CEP128: variants seen among roughly 807,000 people sequenced by gnomAD.
CEP128 encodes centrosomal protein 128.
Under a neutral mutation model 156.7 loss-of-function variants are expected in CEP128, and 132 were observed. The ratio of observed to expected loss-of-function variants is 0.84; its 90% confidence interval spans 0.73 to 0.97. The LOEUF (loss-of-function observed/expected upper bound fraction) is 0.97. CEP128 is among the 50% of genes least tolerant of loss of function. The probability of loss-of-function intolerance (pLI) is 0.00; values close to 1 mark genes in which losing one functional copy is unlikely to be tolerated. For missense variants in CEP128, 1,252 were observed against 1,281.9 expected (o/e 0.98, Z 0.36); for synonymous variants, 469 against 448.9 (o/e 1.04, Z -0.57).
At chr14:80,530,144 C>T (rs1889159125) in intron 22 of CEP128, among the ~76,000 whole-genome samples, 1 of 152,196 alleles carries the variant, frequency 6.6e-6, no homozygotes. Flanking sequence ...AATTATAAAT[C>T]ATTAAAATTT....
At chr14:80,874,080 C>G (rs1476260921) in intron 8 of CEP128, among the ~76,000 whole-genome samples, 1 of 152,140 alleles carries the variant, frequency 6.6e-6, no homozygotes, top group Non-Finnish European at 1.5e-5. Flanking sequence ...ACTAATACAA[C>G]AAGCATGTTC....
intron 19 of CEP128, among the ~76,000 whole-genome samples, chr14:80,595,987 G>C (rs746388827): frequency 6.8e-6 from 1 of 147,824 alleles, no homozygotes; most frequent in Non-Finnish European, 1.5e-5. Flanking sequence ...AGAACAAATG[G>C]AAATTATGGA....
chr14:80,674,090 G>A (rs1387084744), intron 19 of CEP128, among the ~76,000 whole-genome samples: 2 of 150,976 alleles, frequency 1.3e-5, no homozygotes, highest in African/African-American at 2.4e-5. Flanking sequence ...TTTTCATTTG[G>A]GAAAATGCAC....
rs1889218187 is a variant in CEP128, at chr14:80,531,350, T to C, written c.2881-464A>G. ...AAGAGTTCTCAGCAATTATTTCAGT[T>C]AAAAGGGAAAGAGGAGTGGTTCTCA... On this transcript the variant is annotated intron_variant, in intron 21 of 24. Transcript: ENST00000555265. Among the ~76,000 whole-genome samples, 4 of 152,122 alleles carry C rather than the reference T, an allele frequency of 2.6e-5. No homozygotes were observed. In the South Asian group the frequency reaches 8.3e-4, roughly 31 times the overall value.
At chr14:80,782,727 C>A (rs1901190844) in intron 15 of CEP128, among the ~76,000 whole-genome samples, 1 of 152,102 alleles carries the variant, frequency 6.6e-6, no homozygotes, top group Non-Finnish European at 1.5e-5. Context: ...CTCACATCTC[C>A]TCATGTACTT....
chr14:80,499,638 C>A (rs907243965), intron 24 of CEP128, among the ~76,000 whole-genome samples: 7 of 152,218 alleles, frequency 4.6e-5, no homozygotes, highest in African/African-American at 1.7e-4. Context: ...GGTTTGGAGA[C>A]ACCAACTCCA....
intron 8 of CEP128, among the ~76,000 whole-genome samples, chr14:80,892,143 T>C (rs1889132215): frequency 1.3e-5 from 2 of 151,904 alleles, no homozygotes; most frequent in African/African-American, 4.8e-5. Context: ...GGAATTATAC[T>C]TCCTGATTTA....
At chr14:80,885,268 G>A (rs1888741369) in intron 8 of CEP128, among the ~76,000 whole-genome samples, 1 of 152,128 alleles carries the variant, frequency 6.6e-6, no homozygotes, top group Non-Finnish European at 1.5e-5. Flanking sequence ...AAAAGCACTC[G>A]AGCTCTGCTA....
intron 13 of CEP128, among the ~76,000 whole-genome samples, chr14:80,810,341 A>AAAAAAAAAAAG (rs1884449438): frequency 6.7e-6 from 1 of 148,642 alleles, no homozygotes; most frequent in Non-Finnish European, 1.5e-5. Context: ...AAAAAAAAAA[A>AAAAAAAAAAAG]AAAAAAAGAA....
At chr14:80,933,100 T>C (rs941784214) in intron 2 of CEP128, among the ~76,000 whole-genome samples, 2 of 152,124 alleles carry the variant, frequency 1.3e-5, no homozygotes, top group Non-Finnish European at 2.9e-5. Flanking sequence ...ACTCAGATTC[T>C]TACTGAATCT....
chr14:80,952,553 A>T (rs1229616983), intron 2 of CEP128, among the ~76,000 whole-genome samples: 5 of 152,130 alleles, frequency 3.3e-5, no homozygotes, highest in Non-Finnish European at 1.5e-5. Context: ...ATAAAAGAAA[A>T]ATGGCCTCAA....
At chr14:80,593,131 T>A (rs947270690) in intron 19 of CEP128, among the ~76,000 whole-genome samples, 1 of 152,168 alleles carries the variant, frequency 6.6e-6, no homozygotes, top group Non-Finnish European at 1.5e-5. Context: ...TTCAACATAG[T>A]ATTGGAAGTT....
chr14:80,483,503 G>C (rs946761805), intron 14 of CEP128, among the ~76,000 whole-genome samples: 8 of 152,178 alleles, frequency 5.3e-5, no homozygotes, highest in African/African-American at 1.7e-4. Flanking sequence ...TAAACTATCA[G>C]GCAGAAGTTC....
intron 9 of CEP128, among the ~76,000 whole-genome samples, chr14:80,842,062 T>G (rs1248077973): frequency 1.3e-5 from 2 of 152,044 alleles, no homozygotes; most frequent in Non-Finnish European, 2.9e-5. Flanking sequence ...GTGCTACTCC[T>G]TTCTTCCTTA....
intron 19 of CEP128, among the ~76,000 whole-genome samples, chr14:80,730,989 G>A (rs1229740933): frequency 6.6e-6 from 1 of 152,162 alleles, no homozygotes; most frequent in South Asian, 2.1e-4. Flanking sequence ...CACAACAAAG[G>A]AGTTAATGTC....
intron 13 of CEP128, among the ~76,000 whole-genome samples, chr14:80,803,494 T>A (rs1258420310): frequency 1.3e-5 from 2 of 152,034 alleles, no homozygotes; most frequent in Non-Finnish European, 1.5e-5. Context: ...TAAAATGAAT[T>A]CCCATGCCAG....
chr14:80,549,050 T>C (rs182405168), intron 21 of CEP128, among the ~76,000 whole-genome samples: 8 of 152,294 alleles, frequency 5.3e-5, no homozygotes, highest in Non-Finnish European at 1.0e-4. Context: ...GCTTAACCCT[T>C]TGAAGATATC....
chr14:80,610,634 C>T (rs1283157754), intron 19 of CEP128, among the ~76,000 whole-genome samples: 3 of 152,026 alleles, frequency 2.0e-5, no homozygotes, highest in Non-Finnish European at 4.4e-5. Flanking sequence ...ATTACACAAA[C>T]CCTACCAAAA....
chr14:80,882,730 C>T (rs1888610907), intron 8 of CEP128, among the ~76,000 whole-genome samples: 1 of 152,094 alleles, frequency 6.6e-6, no homozygotes. Flanking sequence ...TACTATTCAG[C>T]CATCAAAACA....
Sources: gnomAD v4.1 joint callset for allele counts (sites outside exome capture counted in the v4.1 genomes callset) on GRCh38, gnomAD v4.1.1 for gene constraint, MANE v1.5 for transcripts, NCBI Gene and HGNC (gene_info 2026-07-23, HGNC 2026-07-21) for gene names.